SPATA16: variants seen among roughly 807,000 people sequenced by gnomAD.
SPATA16 encodes the protein spermatogenesis associated 16.
SPATA16 carries 36 observed loss-of-function variants against 63.3 expected under a neutral mutation model. The observed-to-expected ratio is 0.57, with a 90% CI of 0.44 to 0.75. The LOEUF (loss-of-function observed/expected upper bound fraction) is 0.75, where lower values mean the gene tolerates loss of function less well. SPATA16 is among the 30% of genes least tolerant of loss of function. The pLI is 0.00. For synonymous variants in SPATA16, 203 were observed against 216.7 expected, an observed-to-expected ratio of 0.94 and a Z score of 0.56; for missense variants, 646 against 679.3, an observed-to-expected ratio of 0.95 and a Z score of 0.54.
At chr3:172,893,402 A>T (rs532856856) in intron 10 of SPATA16, among the ~76,000 whole-genome samples, 1 of 152,306 alleles carries the variant, frequency 6.6e-6, no homozygotes, top group African/African-American at 2.4e-5. Context: ...AATGCCAGCA[A>T]ATCACCAGAA....
At chr3:172,916,822 G>T (rs1042183688) in intron 8 of SPATA16, among the ~76,000 whole-genome samples, 8 of 152,130 alleles carry the variant, frequency 5.3e-5, no homozygotes, top group African/African-American at 1.9e-4. Context: ...GCCTAGAAGG[G>T]GCGACTTTAT....
chr3:172,909,319 C>T (rs1457641272), intron 10 of SPATA16, among the ~76,000 whole-genome samples: 3 of 152,174 alleles, frequency 2.0e-5, no homozygotes, highest in Non-Finnish European at 2.9e-5. Flanking sequence ...TGGATTGATT[C>T]TTCCAACTCT....
At chr3:172,927,216 C>G (rs1364607385) in intron 6 of SPATA16, among the ~76,000 whole-genome samples, 4 of 152,208 alleles carry the variant, frequency 2.6e-5, no homozygotes, top group Non-Finnish European at 5.9e-5. Context: ...CTACTGAACT[C>G]TGTTCTATAC....
At chr3:173,018,377 C>T (rs1735243872) in intron 4 of SPATA16, among the ~76,000 whole-genome samples, 1 of 151,196 alleles carries the variant, frequency 6.6e-6, no homozygotes, top group African/African-American at 2.4e-5. Flanking sequence ...TGGGTTCAAG[C>T]GATTCTCCTA....
chr3:172,906,908 AT>A (rs577524553), intron 10 of SPATA16, among the ~76,000 whole-genome samples: 2 of 151,840 alleles, frequency 1.3e-5, no homozygotes, highest in African/African-American at 4.8e-5. Context: ...CGCCCGGCTA[AT>A]TTTTTTTGTA....
chr3:173,048,524 G>A (rs1314042329), intron 3 of SPATA16, among the ~76,000 whole-genome samples: 1 of 152,056 alleles, frequency 6.6e-6, no homozygotes, highest in Non-Finnish European at 1.5e-5. Context: ...AGGATCCTTT[G>A]AATCAGCTAA....
chr3:173,141,126 G>A lies in SPATA16; in HGVS notation c.-42C>T, dbSNP rs1179618758. Reference sequence around the variant, plus strand: ...ACCTAAGCAGTTGTGGCTCAGCCCCGCGGGGACAGGGCGAAGCTCTGGACT... The same window carrying A: ...ACCTAAGCAGTTGTGGCTCAGCCCCACGGGGACAGGGCGAAGCTCTGGACT... On this transcript the variant is annotated 5_prime_UTR_variant, in exon 1 of 11. Coordinates refer to ENST00000351008, the MANE Select transcript of SPATA16 (RefSeq NM_031955.6). The A allele has an allele frequency of 2.0e-5, 3 of 152,234 alleles. No individual in the cohort carries two copies. Among genetic ancestry groups the A allele is most frequent in the Non-Finnish European group, 4.4e-5 (3 of 68,102 alleles). The allele number at this position is 152,234 out of a possible 1,614,324, so 9.4% of individuals were successfully genotyped here.
chr3:173,016,553 C>T (rs576800352), intron 4 of SPATA16, among the ~76,000 whole-genome samples: 15 of 152,268 alleles, frequency 9.9e-5, no homozygotes, highest in African/African-American at 3.6e-4. Context: ...ATAATAATGG[C>T]ATTTTTTTCA....
intron 10 of SPATA16, among the ~76,000 whole-genome samples, chr3:172,902,403 T>C (rs1732144233): frequency 6.6e-6 from 1 of 152,218 alleles, no homozygotes; most frequent in African/African-American, 2.4e-5. Flanking sequence ...CTACTCTATA[T>C]TCTTCAAAGT....
At chr3:172,982,344 A>G (rs553854537) in intron 4 of SPATA16, among the ~76,000 whole-genome samples, 1 of 152,310 alleles carries the variant, frequency 6.6e-6, no homozygotes, top group East Asian at 1.9e-4. Context: ...AGCTCATATG[A>G]GAGCTTAATG....
At position 173,048,630 on chromosome 3, in the gene SPATA16, C is replaced by A. The variant is rs567428274; in HGVS notation, c.758+319G>T. On this transcript the variant is annotated intron_variant, in intron 3 of 10. Transcript: ENST00000351008. Reference sequence around the variant, plus strand: ...ATTCCACAACTGCAATTTCGACAATCCCTCTTACGATTCAATACCACCTCC... The same window carrying A: ...ATTCCACAACTGCAATTTCGACAATACCTCTTACGATTCAATACCACCTCC... 2.0e-5 allele frequency among the ~76,000 whole-genome samples: 3 copies of A among 152,204 alleles called. No individual in the cohort carries two copies. In the South Asian group the frequency reaches 6.2e-4, roughly 32 times the overall value.
At chr3:172,919,948 C>T (rs908231609) in intron 8 of SPATA16, among the ~76,000 whole-genome samples, 3 of 152,192 alleles carry the variant, frequency 2.0e-5, no homozygotes, top group Non-Finnish European at 2.9e-5. Flanking sequence ...CCACCTCGGC[C>T]TCCCAAAGTG....
At chr3:172,916,195 G>C (rs1051327806) in intron 9 of SPATA16, 122 bp downstream of exon 9, 86 of 1,198,020 alleles carry the variant, frequency 7.2e-5, no homozygotes, top group Middle Eastern at 2.2e-4. Context: ...AAGAAGGTTT[G>C]GGAGTTTGCC....
intron 10 of SPATA16, among the ~76,000 whole-genome samples, chr3:172,896,036 A>C (rs1431047277): frequency 6.6e-6 from 1 of 151,788 alleles, no homozygotes; most frequent in Non-Finnish European, 1.5e-5. Context: ...AATGAAATCA[A>C]AGGGAGTCAA....
At chr3:173,085,533 C>A (rs1450857437) in intron 2 of SPATA16, among the ~76,000 whole-genome samples, 1 of 151,926 alleles carries the variant, frequency 6.6e-6, no homozygotes, top group Non-Finnish European at 1.5e-5. Context: ...ATTGCCCTGG[C>A]CAGAACTTCC....
chr3:172,982,655 C>T (rs1349462986), intron 4 of SPATA16, among the ~76,000 whole-genome samples: 2 of 152,060 alleles, frequency 1.3e-5, no homozygotes, highest in Non-Finnish European at 2.9e-5. Flanking sequence ...GGCAAATGCA[C>T]AATAAAATAA....
At chr3:173,034,651 G>T (rs1219441221) in intron 3 of SPATA16, among the ~76,000 whole-genome samples, 1 of 152,030 alleles carries the variant, frequency 6.6e-6, no homozygotes, top group Non-Finnish European at 1.5e-5. Flanking sequence ...AGAATTAATG[G>T]GAGTTCCACA....
At chr3:173,004,473 T>C (rs182461373) in intron 4 of SPATA16, among the ~76,000 whole-genome samples, 2 of 150,362 alleles carry the variant, frequency 1.3e-5, no homozygotes, top group Non-Finnish European at 3.0e-5. Context: ...ACAGCCAGAC[T>C]CTTGCTTGCC....
intron 2 of SPATA16, among the ~76,000 whole-genome samples, chr3:173,053,150 G>A (rs1736140970): frequency 1.3e-5 from 2 of 152,324 alleles, no homozygotes; most frequent in African/African-American, 2.4e-5. Flanking sequence ...GAGGTCAGGA[G>A]TTTGAGGCCA....
Sources: gnomAD v4.1 joint callset for allele counts (sites outside exome capture counted in the v4.1 genomes callset) on GRCh38, gnomAD v4.1.1 for gene constraint, MANE v1.5 for transcripts, NCBI Gene and HGNC (gene_info 2026-07-23, HGNC 2026-07-21) for gene names.